Variants in SNRNP200 observed in about 807,000 individuals in gnomAD.
SNRNP200 encodes the protein U5 small nuclear ribonucleoprotein 200 kDa helicase.
In SNRNP200, 66 loss-of-function variants were observed where a neutral mutation model predicts 255.2. That is an observed-to-expected ratio of 0.26 (90% CI 0.21 to 0.32). The LOEUF is 0.32. SNRNP200 is among the 10% of genes least tolerant of loss of function. SNRNP200 has a pLI of 1.00. For missense variants in SNRNP200, 1,585 were observed against 2,749.8 expected, an observed-to-expected ratio of 0.58 and a Z score of 9.47; for synonymous variants, 939 against 1,027.8, an observed-to-expected ratio of 0.91 and a Z score of 1.65.
chr2:96,288,515 T>C (rs2063857785), intron 24 of SNRNP200, 148 bp downstream of exon 24: 2 of 724,206 alleles, frequency 2.8e-6, no homozygotes, highest in South Asian at 1.5e-5. Flanking sequence ...GTACCACACA[T>C]GCACCAACCA....
rs1443178695 is a variant in SNRNP200 at position 96,291,564 on chromosome 2, G to A, written c.2311-62C>T. On this transcript the variant is annotated intron_variant, in intron 17 of 44. Transcript: ENST00000323853. The surrounding 1 kb of genome is among the most constrained non-coding windows in gnomAD (Gnocchi z 4.2). ...CTGTAGGACTCATCCAAGGACTAAG[G>A]AAATCTCCTCCCATGAGACCCTGCC... 9.3e-6 allele frequency: 12 copies of A among 1,289,738 alleles called. No individual in the cohort carries two copies. Among genetic ancestry groups the A allele is most frequent in the Admixed American group, 3.4e-5 (2 of 59,514 alleles). 79.9% of individuals were successfully genotyped at this position (1,289,738 alleles called of 1,614,324 possible).
chr2:96,298,591 C>A lies in SNRNP200; in HGVS notation c.982+12G>T, dbSNP rs765768315. On this transcript the variant is annotated intron_variant, in intron 8 of 44. Coordinates refer to ENST00000323853, the MANE Select transcript of SNRNP200 (RefSeq NM_014014.5). ...GTACTCACTCTGCAGGAAGACCCCACCATATACTCACTCATCATCCTGTGC... is the reference window on the plus strand; with the variant it reads ...GTACTCACTCTGCAGGAAGACCCCAACATATACTCACTCATCATCCTGTGC... The A allele has an allele frequency of 1.9e-6, 3 of 1,613,166 alleles. No homozygotes were observed. The highest frequency in any genetic ancestry group is 1.7e-6 in the Non-Finnish European group (2 of 1,179,104).
rs375678842 is a variant in SNRNP200 at position 96,284,016 on chromosome 2, G to C, written c.4393-12C>G. 1 of 1,519,896 alleles carries C rather than the reference G, an allele frequency of 6.6e-7. No individual in the cohort carries two copies. The highest frequency in any genetic ancestry group is 1.4e-5 in the African/African-American group (1 of 72,778). 94.2% of individuals were successfully genotyped at this position (1,519,896 alleles called of 1,614,324 possible). A position where few individuals can be genotyped will look rare whatever the true frequency, so the allele number is the denominator to read the frequency against. On this transcript the variant is annotated splice_polypyrimidine_tract_variant and intron_variant, in intron 31 of 44. Transcript: ENST00000323853. ...ACTTCTAAGACAGGCTGGAAAGAGG[G>C]AGGGAGGGAGGGTCACTGCAGGCCA...
chr2:96,282,219 A>C (rs1346266099), intron 34 of SNRNP200: 1 of 398,386 alleles, frequency 2.5e-6, no homozygotes, highest in Non-Finnish European at 4.8e-6. Flanking sequence ...CTGACCAGAA[A>C]GTGCTAACAC....
At position 96,283,917 on chromosome 2, in the gene SNRNP200, G is replaced by C; in HGVS notation, c.4480C>G (p.Leu1494Val). Reference sequence around the variant, plus strand: ...TGGGCCACATCCTTGGCATTGGAGAGCGAAGAGCTGAGTGCCACAATGCGA... The same window carrying C: ...TGGGCCACATCCTTGGCATTGGAGACCGAAGAGCTGAGTGCCACAATGCGA... The part of the protein sequence containing the change: ...PIRIVALSSS[L>V]SNAKDVAHWL... The change falls in exon 32 of 45, where the codon CTC (leucine) becomes GTC (valine). Residue 1494 changes from leucine to valine, a missense_variant. By Grantham distance (32) the Leu-to-Val change is conservative. This residue lies in a region of SNRNP200 where 719 missense variants were observed against 1,091.1 expected (regional missense o/e 0.66). Coordinates refer to ENST00000323853, the MANE Select transcript of SNRNP200 (RefSeq NM_014014.5). This position sits in a 1 kb window ranked among gnomAD's most constrained non-coding sequence, Gnocchi z 4.7. 1.3e-6 allele frequency: 2 copies of C among 1,598,342 alleles called. No homozygotes were observed. The highest frequency in any genetic ancestry group is 1.7e-6 in the Non-Finnish European group (2 of 1,172,484).
Position 96,296,686 on chromosome 2 carries a change from A to G in SNRNP200, c.1521T>C (p.Ala507=). Reference sequence around the variant, plus strand: ...ACATCAGGGCCACGTTGGTCTTCCCAGCACCCTACGGGAGAGGTCAGGGAT... The same window carrying G: ...ACATCAGGGCCACGTTGGTCTTCCCGGCACCCTACGGGAGAGGTCAGGGAT... ...ENLLLCAPTG[A]GKTNVALMCM... Residue 507 remains alanine (A), a synonymous_variant, in exon 13 of 45, where the codon GCT becomes GCC. Coordinates refer to ENST00000323853, the MANE Select transcript of SNRNP200 (RefSeq NM_014014.5). The G allele has an allele frequency of 6.2e-7, 1 of 1,614,214 alleles. No homozygotes were observed. The highest frequency in any genetic ancestry group is 8.5e-7 in the Non-Finnish European group (1 of 1,180,032).
intron 1 of SNRNP200, 96 bp from the exon 2 acceptor site, chr2:96,304,964 A>T (rs2063978168): frequency 7.4e-7 from 1 of 1,354,860 alleles, no homozygotes; most frequent in African/African-American, 1.4e-5. Flanking sequence ...CGTAGTAACT[A>T]GTTGCTTATC....
chr2:96,303,158 C>A lies in SNRNP200; in HGVS notation c.381+1G>T. ...TATATATTTCACAATATCACACTCA[C>A]CTGGTCCCCAAGAGCAGCCTGGATG... On this transcript the variant is annotated splice_donor_variant, in intron 3 of 44. Coordinates refer to ENST00000323853, the MANE Select transcript of SNRNP200 (RefSeq NM_014014.5). LOFTEE classifies it high-confidence loss of function. 6.2e-7 allele frequency: 1 copy of A among 1,614,094 alleles called. No individual in the cohort carries two copies. Among genetic ancestry groups the A allele is most frequent in the Non-Finnish European group, 8.5e-7 (1 of 1,179,954 alleles).
chr2:96,279,267 G>A (rs771626652), intron 36 of SNRNP200, 184 bp downstream of exon 36: 7 of 667,182 alleles, frequency 1.0e-5, no homozygotes, highest in Non-Finnish European at 1.9e-5. Context: ...GGAGCCAACG[G>A]CAGCAGCAAA....
In SNRNP200 at chr2:96,281,818, G is replaced by A; in HGVS notation, c.5020C>T (p.His1674Tyr). 1 of 1,611,054 alleles carries A rather than the reference G, an allele frequency of 6.2e-7. No homozygotes were observed. Among genetic ancestry groups the A allele is most frequent in the Non-Finnish European group, 8.5e-7 (1 of 1,177,200 alleles). Residue 1674 changes from histidine to tyrosine, a missense_variant, in exon 35 of 45, where the codon CAC (histidine) becomes TAC (tyrosine). By Grantham distance (83) the His-to-Tyr change is moderately conservative (BLOSUM62 2). Around this residue, in one of 9 missense-constraint regions of SNRNP200, gnomAD observed 719 missense variants for 1,091.1 expected, o/e 0.66. Coordinates refer to ENST00000323853, the MANE Select transcript of SNRNP200 (RefSeq NM_014014.5). ...CAGAGCACCAGTTGTACTCACGCGT[G>A]GATCTTGCCATTGTAGTACTGGGTA... ...MDTQYYNGKIHAYVDYPIYDV... is the reference protein window; with the variant it reads ...MDTQYYNGKIYAYVDYPIYDV...
In SNRNP200 at chr2:96,301,659, T is replaced by C; in HGVS notation, c.439A>G (p.Lys147Glu). ...TTTCGCCTTTCCTTGTCCCGCAGCT[T>C]TTCATTCTTTAGAACAGCTAGAACT... ...DEVLAVLKNE[K>E]LRDKERRKEI... is the part of the protein sequence containing the mutation. Residue 147 changes from lysine to glutamate, a missense_variant, in exon 4 of 45, where the codon AAG becomes GAG. Physicochemically the swap from Lys to Glu is moderately conservative, Grantham distance 56. Transcript: ENST00000323853. 6.2e-7 allele frequency: 1 copy of C among 1,614,206 alleles called. No homozygotes were observed. Among genetic ancestry groups the C allele is most frequent in the Non-Finnish European group, 8.5e-7 (1 of 1,180,036 alleles).
rs138992215 is a variant in SNRNP200, at chr2:96,298,700, C to T, written c.885G>A (p.Thr295=). The part of the protein sequence containing the change: ...KADEVLEILK[T]ASDDRECENQ... ...TTTCACATTCCCGATCATCACTGGCCGTCTGCAGAGAGCAGGTAACACCAC... is the reference window on the plus strand; with the variant it reads ...TTTCACATTCCCGATCATCACTGGCTGTCTGCAGAGAGCAGGTAACACCAC... The change falls in exon 8 of 45, where the codon ACG becomes ACA. Residue 295 remains threonine (T), a splice_region_variant and synonymous_variant. Coordinates refer to ENST00000323853, the MANE Select transcript of SNRNP200 (RefSeq NM_014014.5). The T allele has an allele frequency of 4.3e-6, 7 of 1,614,054 alleles. No individual in the cohort carries two copies. Among genetic ancestry groups the T allele is most frequent in the African/African-American group, 2.7e-5 (2 of 74,906 alleles).
chr2:96,276,867 G>T, intron 43 of SNRNP200, 37 bp downstream of exon 43: 2 of 1,601,400 alleles, frequency 1.2e-6, no homozygotes, highest in Non-Finnish European at 1.7e-6. Flanking sequence ...TGGATAGGGT[G>T]AGTTGACACC....
Position 96,287,951 on chromosome 2 carries a change from G to A in SNRNP200, c.3277C>T (p.Arg1093Ter). The change falls in exon 25 of 45, where the codon CGA (arginine) becomes TGA (stop). Residue 1093 changes from arginine to a stop codon, truncating the protein, a stop_gained. Coordinates refer to ENST00000323853, the MANE Select transcript of SNRNP200 (RefSeq NM_014014.5). LOFTEE classifies it high-confidence loss of function. This position sits in a 1 kb window ranked among gnomAD's most constrained non-coding sequence, Gnocchi z 5.7. ...TTCAGGACAATTTCAAATATCGCTC[G>A]CATCAACCGGCCAGCCGACTAAGCA... is the stretch of plus-strand genomic sequence containing the variant. ...YVTQSAGRLM[R>*]AIFEIVLNRG... 1.9e-6 allele frequency: 3 copies of A among 1,614,124 alleles called. No individual in the cohort carries two copies. Among genetic ancestry groups the A allele is most frequent in the South Asian group, 1.1e-5 (1 of 91,078 alleles).
At position 96,296,673 on chromosome 2, in the gene SNRNP200, C is replaced by T. The variant is rs968287365; in HGVS notation, c.1534G>A (p.Val512Met). Residue 512 changes from valine (V) to methionine (M), a missense_variant, in exon 13 of 45, where the codon GTG (valine) becomes ATG (methionine). Physicochemically the swap from Val to Met is conservative, Grantham distance 21 (BLOSUM62 1). This residue lies in a region of SNRNP200 where 383 missense variants were observed against 645.3 expected (regional missense o/e 0.59). Transcript: ENST00000323853. ...TCTCGGAGCATGCACATCAGGGCCA[C>T]GTTGGTCTTCCCAGCACCCTACGGG... Reference protein sequence around the residue: ...CAPTGAGKTNVALMCMLREIG... With the variant: ...CAPTGAGKTNMALMCMLREIG... 6 of 1,614,040 alleles carry T rather than the reference C, an allele frequency of 3.7e-6. No individual in the cohort carries two copies. The highest frequency in any genetic ancestry group is 1.6e-4 in the Middle Eastern group (1 of 6,084).
intron 30 of SNRNP200, 33 bp downstream of exon 30, chr2:96,285,147 G>T: frequency 1.2e-6 from 2 of 1,611,744 alleles, no homozygotes; most frequent in South Asian, 1.1e-5. Context: ...AATGCTTCTT[G>T]GGAAATTCAC....
In SNRNP200 at chr2:96,275,251, A is replaced by G. The variant is rs1484602479; in HGVS notation, c.6267+6T>C. 6.2e-7 allele frequency: 1 copy of G among 1,613,992 alleles called. No individual in the cohort carries two copies. Among genetic ancestry groups the G allele is most frequent in the Admixed American group, 1.7e-5 (1 of 60,022 alleles). On this transcript the variant is annotated splice_donor_region_variant and intron_variant, in intron 44 of 44. Coordinates refer to ENST00000323853, the MANE Select transcript of SNRNP200 (RefSeq NM_014014.5). ...AACAAATGCTAGGGCCAGTGGACAC[A>G]CTCACCTTGGCCTTCTGCTGCAAGG...
intron 29 of SNRNP200, among the ~76,000 whole-genome samples, chr2:96,285,776 TC>T: frequency 6.6e-6 from 1 of 152,336 alleles, no homozygotes; most frequent in African/African-American, 2.4e-5. Flanking sequence ...TGAATTAAAA[TC>T]CAAGTTCTAC....
At chr2:96,280,454 T>C (rs1033570823) in intron 35 of SNRNP200, among the ~76,000 whole-genome samples, 5 of 151,860 alleles carry the variant, frequency 3.3e-5, no homozygotes, top group African/African-American at 1.2e-4. Context: ...GCTGAGATCA[T>C]ACCACCGCAT....
Sources: allele counts gnomAD v4.1 joint callset (sites outside exome capture counted in the v4.1 genomes callset), GRCh38; gene constraint gnomAD v4.1.1; regional missense constraint gnomAD v4.1.1; non-coding constraint Gnocchi (gnomAD v3.1); transcripts MANE v1.5; gene names NCBI Gene and HGNC (gene_info 2026-07-23, HGNC 2026-07-21).